The following DENND4C variants were observed in gnomAD, a reference collection of about 807,000 sequenced individuals.
DENND4C encodes DENN domain containing 4C.
In DENND4C, 108 loss-of-function variants were observed where a neutral mutation model predicts 203.0. The ratio of observed to expected loss-of-function variants is 0.53; its 90% CI spans 0.46 to 0.62. The LOEUF (loss-of-function observed/expected upper bound fraction) is 0.62. DENND4C is among the 20% of genes least tolerant of loss of function. The pLI is 0.00. For synonymous variants in DENND4C, 871 were observed against 792.4 expected (o/e 1.10, Z -1.67); for missense variants, 2,481 against 2,301.2 (o/e 1.08, Z -1.60).
Position 19,357,863 on chromosome 9 carries a change from T to C in DENND4C, c.4965-102T>C, listed in dbSNP as rs537593524. The C allele has an allele frequency of 7.5e-5, 69 of 915,872 alleles. No individual in the cohort carries two copies. The African/African-American group carries it at 1.1e-3, about 14-fold the overall frequency. The allele number at this position is 915,872 out of a possible 1,614,324, so 56.7% of individuals were successfully genotyped here. ...AGGTGGTGCTGATTCTTCTTAGATA[T>C]ATTTAGTAGACTCAAGGTCCATTGT... On this transcript the variant is annotated intron_variant, in intron 27 of 32. Transcript: ENST00000434457.
At chr9:19,351,897 T>C (rs113080930) in intron 24 of DENND4C, among the ~76,000 whole-genome samples, 176 bp from the exon 25 acceptor site, 8,673 of 152,152 alleles carry the variant, frequency 0.057, 843 homozygotes, top group African/African-American at 0.2. Flanking sequence ...TCCACCTAGA[T>C]TTAATTAACT....
At position 19,311,411 on chromosome 9, in the gene DENND4C, C is replaced by T. The variant is rs1334630472; in HGVS notation, c.1488-5006C>T. ...AAAGTCCTAGAATTATAGGCATGAG[C>T]CACTGCGCCTGGCCCCCACAAAGTT... On this transcript the variant is annotated intron_variant, in intron 10 of 32. Coordinates refer to ENST00000434457, the MANE Select transcript of DENND4C (RefSeq NM_001330640.2). Among the ~76,000 whole-genome samples the T allele has an allele frequency of 3.3e-5, 5 of 152,236 alleles. No individual in the cohort carries two copies. In the East Asian group the frequency reaches 9.6e-4, roughly 29 times the overall value.
intron 1 of DENND4C, among the ~76,000 whole-genome samples, chr9:19,259,505 C>CTTTTTTTT (rs1021585159): frequency 1.4e-4 from 18 of 131,468 alleles, no homozygotes; most frequent in Middle Eastern, 3.8e-3. Context: ...TTTCTTTTTT[C>CTTTTTTTT]TTTTTTTTTT....
intron 16 of DENND4C, among the ~76,000 whole-genome samples, chr9:19,330,333 G>T (rs1287174551): frequency 6.2e-4 from 60 of 97,144 alleles, no homozygotes; most frequent in African/African-American, 1.8e-3. Flanking sequence ...TACCAAGTTG[G>T]TTTTTTTTTT....
chr9:19,330,335 T>G (rs1818796037), intron 16 of DENND4C, among the ~76,000 whole-genome samples: 1 of 44,902 alleles, frequency 2.2e-5, no homozygotes, highest in Admixed American at 2.2e-4. Context: ...CCAAGTTGGT[T>G]TTTTTTTTTT....
chr9:19,269,217 C>T (rs1421014402), intron 1 of DENND4C, among the ~76,000 whole-genome samples: 1 of 152,006 alleles, frequency 6.6e-6, no homozygotes, highest in African/African-American at 2.4e-5. Context: ...GGCTGGAGTG[C>T]AATGGCGTGA....
chr9:19,369,211 C>T (rs896089760), intron 30 of DENND4C, among the ~76,000 whole-genome samples: 2 of 152,106 alleles, frequency 1.3e-5, no homozygotes, highest in African/African-American at 4.8e-5. Context: ...TACTGCTAGA[C>T]AACTCCTCTG....
At chr9:19,333,729 G>T (rs979004557) in intron 17 of DENND4C, among the ~76,000 whole-genome samples, 3 of 152,146 alleles carry the variant, frequency 2.0e-5, no homozygotes, top group African/African-American at 7.2e-5. Flanking sequence ...AGTAGATACT[G>T]ATATTATCCA....
intron 9 of DENND4C, among the ~76,000 whole-genome samples, chr9:19,301,999 C>A (rs1247983359): frequency 1.3e-5 from 2 of 152,132 alleles, no homozygotes; most frequent in Non-Finnish European, 2.9e-5. Flanking sequence ...GCCCCTTTGT[C>A]AGAATCGTGG....
At chr9:19,306,119 T>A (rs1237365470) in intron 10 of DENND4C, among the ~76,000 whole-genome samples, 1 of 152,160 alleles carries the variant, frequency 6.6e-6, no homozygotes, top group Non-Finnish European at 1.5e-5. Flanking sequence ...TCTGGATGGA[T>A]GTTTAAGGGT....
At chr9:19,303,469 T>C (rs1307148365) in intron 9 of DENND4C, among the ~76,000 whole-genome samples, 1 of 152,170 alleles carries the variant, frequency 6.6e-6, no homozygotes, top group African/African-American at 2.4e-5. Flanking sequence ...AGTTAAATGG[T>C]TGTGACAGAG....
At chr9:19,328,440 C>A (rs1333984993) in intron 16 of DENND4C, among the ~76,000 whole-genome samples, 2 of 151,972 alleles carry the variant, frequency 1.3e-5, no homozygotes, top group Non-Finnish European at 2.9e-5. Flanking sequence ...TGGTGAAACC[C>A]CATCTCCATT....
intron 2 of DENND4C, among the ~76,000 whole-genome samples, chr9:19,282,321 T>C (rs1176873094): frequency 1.3e-5 from 2 of 151,062 alleles, no homozygotes; most frequent in African/African-American, 4.9e-5. Context: ...AGTGGTATAG[T>C]CTAGGCTCAC....
chr9:19,353,036 T>G (rs1419621495), intron 26 of DENND4C, among the ~76,000 whole-genome samples: 2 of 152,082 alleles, frequency 1.3e-5, no homozygotes, highest in African/African-American at 4.8e-5. Context: ...CTAGGAAGGC[T>G]GACATAGGAG....
intron 1 of DENND4C, among the ~76,000 whole-genome samples, chr9:19,236,630 A>G (rs1395081385): frequency 1.3e-5 from 2 of 152,242 alleles, no homozygotes; most frequent in Non-Finnish European, 2.9e-5. Flanking sequence ...CCGCAGGTTC[A>G]TCATCCAGAA....
Position 19,316,441 on chromosome 9 carries a change from C to A in DENND4C, c.1512C>A (p.Asn504Lys), listed in dbSNP as rs766875756. The change falls in exon 11 of 33, where the codon AAC (asparagine) becomes AAA (lysine). Residue 504 changes from asparagine (N) to lysine (K), a missense_variant. Physicochemically the swap from Asn to Lys is moderately conservative, Grantham distance 94. Transcript: ENST00000434457. ...LYVSDEKKNMNWKQLPKKPCK... is the reference protein window; with the variant it reads ...LYVSDEKKNMKWKQLPKKPCK... The stretch of plus-strand genomic sequence containing the variant: ...GATCAGATGAAAAGAAGAACATGAA[C>A]TGGAAGCAACTTCCCAAAAAGCCGT... 2 of 1,613,638 alleles carry A rather than the reference C, an allele frequency of 1.2e-6. No homozygotes were observed. Among genetic ancestry groups the A allele is most frequent in the Non-Finnish European group, 1.7e-6 (2 of 1,179,830 alleles).
intron 26 of DENND4C, among the ~76,000 whole-genome samples, chr9:19,354,196 A>G (rs1368650066): frequency 2.0e-5 from 3 of 152,160 alleles, no homozygotes; most frequent in Admixed American, 1.3e-4. Flanking sequence ...ATACCTTTCT[A>G]CTTATCCATT....
At chr9:19,238,487 TTCTCCTCCCCTCCCC>T (rs1822674034) in intron 1 of DENND4C, among the ~76,000 whole-genome samples, 1 of 9,924 alleles carries the variant, frequency 1.0e-4, no homozygotes, top group Non-Finnish European at 1.7e-4. Context: ...CCCCTCCCCC[TTCTCCTCCCCTCCCC>T]TCCCCTACTC....
At chr9:19,287,740 T>A (rs67779352) in intron 3 of DENND4C, among the ~76,000 whole-genome samples, 2 of 12,136 alleles carry the variant, frequency 1.6e-4, no homozygotes, top group Non-Finnish European at 2.2e-3. Flanking sequence ...TGCATACTTA[T>A]TTTTTTTTTT....
Sources: allele counts gnomAD v4.1 joint callset (sites outside exome capture counted in the v4.1 genomes callset), GRCh38; gene constraint gnomAD v4.1.1; transcripts MANE v1.5; gene names NCBI Gene and HGNC (gene_info 2026-07-23, HGNC 2026-07-21).